Variants in OVCH1 observed in about 807,000 individuals in gnomAD.
The protein encoded by OVCH1 is ovochymase-1.
A neutral mutation model predicts 138.4 loss-of-function variants in OVCH1; 139 were observed. That is an observed-to-expected ratio of 1.00 (90% CI 0.87 to 1.16). The LOEUF (loss-of-function observed/expected upper bound fraction) is 1.16. OVCH1 is among the 50% of genes most tolerant of loss of function. The probability of loss-of-function intolerance (pLI) is 0.00; values close to 1 mark genes in which losing one functional copy is unlikely to be tolerated. For missense variants in OVCH1, 1,367 were observed against 1,357.9 expected (o/e 1.01, Z -0.11); for synonymous variants, 453 against 467.8 (o/e 0.97, Z 0.41).
At chr12:29,444,824 A>C (rs1235182184) in intron 23 of OVCH1, among the ~76,000 whole-genome samples, 2 of 152,086 alleles carry the variant, frequency 1.3e-5, no homozygotes, top group African/African-American at 4.8e-5. Flanking sequence ...TAATACTAGA[A>C]TCTAATATTT....
intron 27 of OVCH1, among the ~76,000 whole-genome samples, chr12:29,428,025 A>T (rs901917719): frequency 6.6e-6 from 1 of 152,142 alleles, no homozygotes; most frequent in Non-Finnish European, 1.5e-5. Context: ...ACATACAGAG[A>T]ACCTGGTCTG....
chr12:29,454,737 AG>A, intron 21 of OVCH1, 103 bp downstream of exon 21: 2 of 949,994 alleles, frequency 2.1e-6, no homozygotes, highest in South Asian at 3.6e-5. Flanking sequence ...AGGAAAACAC[AG>A]AGGTTATAGT....
At chr12:29,473,142 A>G in intron 14 of OVCH1, 39 bp from the exon 15 acceptor site, 1 of 1,441,370 alleles carries the variant, frequency 6.9e-7, no homozygotes, top group Middle Eastern at 1.8e-4. Flanking sequence ...GTAATTAGAG[A>G]AGTTGCACTA....
At chr12:29,450,062 C>T (rs984132096) in intron 22 of OVCH1, among the ~76,000 whole-genome samples, 2 of 152,104 alleles carry the variant, frequency 1.3e-5, no homozygotes, top group Non-Finnish European at 2.9e-5. Flanking sequence ...ACCCTAAAAA[C>T]CCTAGAAGAA....
At chr12:29,415,271 G>A (rs1190860644) in intron 3 of OVCH1, among the ~76,000 whole-genome samples, 1 of 152,070 alleles carries the variant, frequency 6.6e-6, no homozygotes, top group African/African-American at 2.4e-5. Flanking sequence ...AAAGAAGGGG[G>A]AACGTTTGTA....
At chr12:29,422,783 G>A (rs769930834), downstream of OVCH1, among the ~76,000 whole-genome samples, 2 of 152,162 alleles carry the variant, frequency 1.3e-5, no homozygotes, top group Non-Finnish European at 2.9e-5. Context: ...GTGAGGGGTA[G>A]CTACTTGGTA....
At chr12:29,458,000 T>C (rs1230484785) in intron 19 of OVCH1, among the ~76,000 whole-genome samples, 1 of 152,170 alleles carries the variant, frequency 6.6e-6, no homozygotes, top group Non-Finnish European at 1.5e-5. Context: ...AGGCAAGATA[T>C]GGTCAGTTGG....
At chr12:29,476,527 A>G (rs1942721859) in intron 12 of OVCH1, among the ~76,000 whole-genome samples, 1 of 152,160 alleles carries the variant, frequency 6.6e-6, no homozygotes, top group African/African-American at 2.4e-5. Context: ...ATACATATCC[A>G]CATGTATCCA....
intron 19 of OVCH1, among the ~76,000 whole-genome samples, chr12:29,461,570 T>C (rs1942131922): frequency 1.3e-5 from 2 of 152,208 alleles, no homozygotes; most frequent in Non-Finnish European, 2.9e-5. Flanking sequence ...CTTCCCTTGC[T>C]CAGGCCTGCT....
chr12:29,482,343 CCTTT>C (rs1261105912), intron 8 of OVCH1, among the ~76,000 whole-genome samples: 1 of 152,080 alleles, frequency 6.6e-6, no homozygotes, highest in African/African-American at 2.4e-5. Flanking sequence ...TTATCCAAGT[CCTTT>C]TTTTCAAGTA....
chr12:29,457,493 T>C (rs998313382), intron 19 of OVCH1, among the ~76,000 whole-genome samples: 1 of 124,922 alleles, frequency 8.0e-6, no homozygotes, highest in African/African-American at 3.0e-5. Context: ...AAGCCCCGCC[T>C]CCTGGTTTCA....
At chr12:29,478,622 A>C (rs1423399090) in intron 9 of OVCH1, among the ~76,000 whole-genome samples, 2 of 152,206 alleles carry the variant, frequency 1.3e-5, no homozygotes, top group African/African-American at 4.8e-5. Flanking sequence ...CTGTAAGATA[A>C]GATCATTGCC....
chr12:29,415,206 T>C (rs1404249890), intron 3 of OVCH1, among the ~76,000 whole-genome samples: 5 of 151,938 alleles, frequency 3.3e-5, no homozygotes, highest in African/African-American at 1.2e-4. Flanking sequence ...GGAAGCACAG[T>C]CCTCGGAGAA....
At chr12:29,495,209 G>C in intron 4 of OVCH1, 76 bp downstream of exon 4, 1 of 1,344,586 alleles carries the variant, frequency 7.4e-7, no homozygotes, top group Non-Finnish European at 1.0e-6. Flanking sequence ...CAGCCACACA[G>C]ACATTAAAGT....
intron 27 of OVCH1, chr12:29,427,781 A>G: frequency 8.0e-7 from 1 of 1,251,198 alleles, no homozygotes; most frequent in Non-Finnish European, 1.1e-6. Context: ...CATTAGGTCC[A>G]AAATCTTTAC....
rs531594821 is a variant in OVCH1 at position 29,465,460 on chromosome 12, AAG to A, written c.1857-243_1857-242del. ...AGCACATCTTATCACAGCAAAGCAG[AAG>A]AGAGAGAGCAAAGGAAGCCACACAC... On this transcript the variant is annotated intron_variant, in intron 16 of 27. Coordinates refer to ENST00000318184, the Ensembl canonical transcript of OVCH1. Among the ~76,000 whole-genome samples, 13 of 152,258 alleles carry A rather than the reference AAG, an allele frequency of 8.5e-5. No homozygotes were observed. The South Asian group carries it at 2.7e-3, about 32-fold the overall frequency.
At chr12:29,490,371 C>T (rs1343467743) in intron 5 of OVCH1, among the ~76,000 whole-genome samples, 6 of 152,118 alleles carry the variant, frequency 3.9e-5, no homozygotes, top group Non-Finnish European at 5.9e-5. Context: ...TGAGCCACTG[C>T]GCCCTGCCTA....
intron 13 of OVCH1, among the ~76,000 whole-genome samples, chr12:29,475,887 G>C (rs1474978727): frequency 3.9e-5 from 6 of 152,126 alleles, no homozygotes; most frequent in African/African-American, 1.4e-4. Context: ...CAAAATATCA[G>C]CAACAGAAGG....
At chr12:29,440,503 A>T in intron 25 of OVCH1, 1 of 296,820 alleles carries the variant, frequency 3.4e-6, no homozygotes. Flanking sequence ...ATCATAATAG[A>T]TATTTCTAAT....
Sources: allele counts gnomAD v4.1 joint callset (sites outside exome capture counted in the v4.1 genomes callset), GRCh38; gene constraint gnomAD v4.1.1; transcripts MANE v1.5; gene names NCBI Gene and HGNC (gene_info 2026-07-23, HGNC 2026-07-21).